ZNF324B: variants seen among roughly 807,000 people sequenced by gnomAD.
ZNF324B encodes zinc finger protein 324B.
ZNF324B carries 7 observed loss-of-function variants against 10.6 expected under a neutral mutation model. The observed-to-expected ratio is 0.66, with a 90% confidence interval of 0.38 to 1.24. ZNF324B has a LOEUF of 1.24. Ranked by LOEUF, ZNF324B falls within the 50% of genes most tolerant of loss-of-function variation. The pLI is 0.02. For synonymous variants in ZNF324B, 316 were observed against 321.0 expected (o/e 0.98, Z 0.17); for missense variants, 640 against 764.7 (o/e 0.84, Z 1.92).
the ZNF324B span, among the ~76,000 whole-genome samples, chr19:58,427,399 TTTCTTTCCTTCCTTCC>T: frequency 1.9e-5 from 1 of 51,976 alleles, no homozygotes; most frequent in African/African-American, 8.3e-5. Flanking sequence ...TCTTTCTTTC[TTTCTTTCCTTCCTTCC>T]TTCCTTCCTT....
the ZNF324B span, among the ~76,000 whole-genome samples, chr19:58,438,179 G>T: frequency 6.6e-6 from 1 of 152,156 alleles, no homozygotes; most frequent in African/African-American, 2.4e-5. Flanking sequence ...TCCTACTTTT[G>T]CCGCTATGCT....
At chr19:58,435,231 A>G in the ZNF324B span, 8 of 1,591,234 alleles carry the variant, frequency 5.0e-6, no homozygotes, top group Non-Finnish European at 6.0e-6. Context: ...GAGAAATGCC[A>G]GTTAACTAAG....
At chr19:58,454,938 T>G in intron 3 of ZNF324B, 1 of 650,702 alleles carries the variant, frequency 1.5e-6, no homozygotes, top group South Asian at 1.7e-5. Flanking sequence ...TTTCCTCAGC[T>G]TCACATCCTG....
chr19:58,448,540 T>C (rs2052837572), upstream of ZNF324B, among the ~76,000 whole-genome samples: 1 of 152,074 alleles, frequency 6.6e-6, no homozygotes, highest in Non-Finnish European at 1.5e-5. Context: ...CTGGCTAACA[T>C]GGTGAAACCC....
chr19:58,455,190 G>C lies in ZNF324B; in HGVS notation c.246G>C (p.Trp82Cys), dbSNP rs1413332495. 1.2e-6 allele frequency: 2 copies of C among 1,614,128 alleles called. No individual in the cohort carries two copies. The highest frequency in any genetic ancestry group is 1.7e-5 in the Admixed American group (1 of 60,026). Residue 82 changes from tryptophan (W) to cysteine (C), a missense_variant, in exon 4 of 4, where the codon TGG (tryptophan) becomes TGC (cysteine). Physicochemically the swap from Trp to Cys is radical, Grantham distance 215. Coordinates refer to ENST00000336614, the MANE Select transcript of ZNF324B (RefSeq NM_207395.3). This position sits in a 1 kb window ranked among gnomAD's most constrained non-coding sequence, Gnocchi z 7.0. ...NTYGRLNSGS[W>C]SLTEDRDVSG... ...CCGTTTCTCTGCGTTTAGGTTCCTGGAGTTTGACAGAGGATAGAGATGTTT... is the reference window on the plus strand; with the variant it reads ...CCGTTTCTCTGCGTTTAGGTTCCTGCAGTTTGACAGAGGATAGAGATGTTT...
the ZNF324B span, among the ~76,000 whole-genome samples, chr19:58,436,000 A>G: frequency 6.6e-6 from 1 of 152,260 alleles, no homozygotes; most frequent in African/African-American, 2.4e-5. Context: ...ATACACTGGA[A>G]TATTTGGCTA....
the ZNF324B span, among the ~76,000 whole-genome samples, chr19:58,427,450 TTC>T: frequency 0.05 from 2,715 of 54,628 alleles, 311 homozygotes; most frequent in African/African-American, 0.21. Flanking sequence ...TTCCTTTCCT[TTC>T]CCTTCCTTCC....
the ZNF324B span, among the ~76,000 whole-genome samples, chr19:58,427,797 C>T: frequency 2.0e-5 from 3 of 151,878 alleles, no homozygotes; most frequent in Admixed American, 2.0e-4. Flanking sequence ...AGGCATGCCA[C>T]AATCATGCCC....
At chr19:58,439,300 G>A in the ZNF324B span, among the ~76,000 whole-genome samples, 11 of 152,270 alleles carry the variant, frequency 7.2e-5, no homozygotes, top group East Asian at 1.9e-4. Context: ...TCCATAGGGC[G>A]TCTGTTAAGA....
chr19:58,453,674 C>A (rs2052884126), intron 1 of ZNF324B, 22 bp from the exon 2 acceptor site: 10 of 1,614,036 alleles, frequency 6.2e-6, no homozygotes, highest in Non-Finnish European at 8.5e-6. Context: ...CCATGCCTAC[C>A]TCCACCTCCC....
chr19:58,454,979 G>A (rs1270324837), intron 3 of ZNF324B: 1 of 749,846 alleles, frequency 1.3e-6, no homozygotes, highest in African/African-American at 1.7e-5. Context: ...TTGATCATGG[G>A]AGTCCCCACT....
At chr19:58,435,440 G>T in the ZNF324B span, 2 of 490,042 alleles carry the variant, frequency 4.1e-6, no homozygotes, top group Non-Finnish European at 3.6e-6. Flanking sequence ...CACAGAAATG[G>T]GTCAAAGGAC....
chr19:58,435,411 A>G, the ZNF324B span: 1 of 585,788 alleles, frequency 1.7e-6, no homozygotes. Context: ...AATAAGGGAG[A>G]CCTCACCAGG....
chr19:58,437,244 T>A, the ZNF324B span: 1 of 1,565,318 alleles, frequency 6.4e-7, no homozygotes, highest in Non-Finnish European at 8.6e-7. Flanking sequence ...ATTGGTCAAA[T>A]GGAAATATGC....
At chr19:58,427,411 C>CTTTCTTTCTTTCTTTCT in the ZNF324B span, among the ~76,000 whole-genome samples, 2 of 33,248 alleles carry the variant, frequency 6.0e-5, no homozygotes, top group Admixed American at 3.1e-4. Context: ...TCTTTCCTTC[C>CTTTCTTTCTTTCTTTCT]TTCCTTCCTT....
Position 58,456,382 on chromosome 19 carries a change from C to G in ZNF324B, c.1438C>G (p.Pro480Ala). ...SHRRIHTGEK[P>A]FVCTQCGRAF... ...CCGGCGCATTCACACGGGCGAGAAG[C>G]CCTTCGTGTGCACGCAGTGTGGCCG... Residue 480 changes from proline (P) to alanine (A), a missense_variant, in exon 4 of 4, where the codon CCC becomes GCC. Pro to Ala is a conservative substitution (Grantham distance 27, BLOSUM62 -1). Coordinates refer to ENST00000336614, the MANE Select transcript of ZNF324B (RefSeq NM_207395.3). This position sits in a 1 kb window ranked among gnomAD's most constrained non-coding sequence, Gnocchi z 4.7. 1 of 1,613,092 alleles carries G rather than the reference C, an allele frequency of 6.2e-7. No homozygotes were observed. Among genetic ancestry groups the G allele is most frequent in the Non-Finnish European group, 8.5e-7 (1 of 1,180,030 alleles).
chr19:58,448,498 G>A (rs186575422), upstream of ZNF324B, among the ~76,000 whole-genome samples: 6 of 152,232 alleles, frequency 3.9e-5, no homozygotes, highest in Non-Finnish European at 8.8e-5. Flanking sequence ...GCTGAGGCAG[G>A]TGGATCATGA....
chr19:58,453,561 C>T (rs775062231), intron 1 of ZNF324B, 135 bp from the exon 2 acceptor site: 15 of 1,235,264 alleles, frequency 1.2e-5, no homozygotes, highest in Non-Finnish European at 1.6e-5. Context: ...AGGGAAGTGC[C>T]ACCTGAAGAT....
the ZNF324B span, among the ~76,000 whole-genome samples, chr19:58,428,007 C>T: frequency 6.6e-6 from 1 of 152,176 alleles, no homozygotes; most frequent in Admixed American, 6.5e-5. Flanking sequence ...GGAAGGAAGG[C>T]CTGAGTAGGG....
Sources: gnomAD v4.1 joint callset for allele counts (sites outside exome capture counted in the v4.1 genomes callset) on GRCh38, gnomAD v4.1.1 for gene constraint, Gnocchi (gnomAD v3.1) non-coding constraint, MANE v1.5 for transcripts, NCBI Gene and HGNC (gene_info 2026-07-23, HGNC 2026-07-21) for gene names.